ZDHHC14: variants seen among roughly 807,000 people sequenced by gnomAD.
ZDHHC14 encodes the protein zDHHC palmitoyltransferase 14, also known as palmitoyltransferase ZDHHC14.
Under a neutral mutation model 47.7 loss-of-function variants are expected in ZDHHC14, and 16 were observed. The observed-to-expected ratio is 0.34, with a 90% CI of 0.23 to 0.51. The LOEUF (loss-of-function observed/expected upper bound fraction) is 0.51. ZDHHC14 is among the 20% of genes least tolerant of loss of function. The pLI is 0.97. For synonymous variants in ZDHHC14, 293 were observed against 278.9 expected, an observed-to-expected ratio of 1.05 and a Z score of -0.50; for missense variants, 515 against 662.5, an observed-to-expected ratio of 0.78 and a Z score of 2.44.
At chr6:157,459,422 A>C (rs773177185) in intron 1 of ZDHHC14, among the ~76,000 whole-genome samples, 1 of 152,166 alleles carries the variant, frequency 6.6e-6, no homozygotes, top group Non-Finnish European at 1.5e-5. Flanking sequence ...GGTGGCTGGA[A>C]GTTTGGAGAC....
chr6:157,434,847 C>A (rs9346765), intron 1 of ZDHHC14, among the ~76,000 whole-genome samples: 36,599 of 151,992 alleles, frequency 0.24, 4,688 homozygotes, highest in African/African-American at 0.32. Context: ...CGGAGAGAAT[C>A]CTGGCGTGAC....
intron 1 of ZDHHC14, among the ~76,000 whole-genome samples, chr6:157,433,471 G>A (rs1267650247): frequency 6.6e-6 from 1 of 152,222 alleles, no homozygotes; most frequent in African/African-American, 2.4e-5. Context: ...TAAAACCAGA[G>A]GCTTAGGGCT....
At chr6:157,579,296 C>T (rs1783431522) in intron 2 of ZDHHC14, among the ~76,000 whole-genome samples, 1 of 138,668 alleles carries the variant, frequency 7.2e-6, no homozygotes. Context: ...CTCCCGGGTT[C>T]ATGCCATTCT....
chr6:157,614,692 G>C (rs1399326578), intron 3 of ZDHHC14, among the ~76,000 whole-genome samples: 1 of 152,064 alleles, frequency 6.6e-6, no homozygotes. Flanking sequence ...GGGGTCACCA[G>C]TGTGTGACCT....
intron 8 of ZDHHC14, among the ~76,000 whole-genome samples, chr6:157,657,399 G>A (rs1214899864): frequency 6.6e-6 from 1 of 152,190 alleles, no homozygotes; most frequent in African/African-American, 2.4e-5. Flanking sequence ...GCTTCCAGGG[G>A]AAGGCTTGAA....
At chr6:157,555,032 G>C (rs1782400892) in intron 2 of ZDHHC14, among the ~76,000 whole-genome samples, 1 of 152,164 alleles carries the variant, frequency 6.6e-6, no homozygotes, top group African/African-American at 2.4e-5. Flanking sequence ...ATGTTTTTAG[G>C]AGAGACCTTT....
intron 8 of ZDHHC14, among the ~76,000 whole-genome samples, chr6:157,662,337 A>G (rs528333757): frequency 6.6e-6 from 1 of 152,276 alleles, no homozygotes; most frequent in East Asian, 1.9e-4. Flanking sequence ...GCGCGCCATC[A>G]TGCCTGGCTA....
chr6:157,568,945 T>G (rs997045060), intron 2 of ZDHHC14, among the ~76,000 whole-genome samples: 10 of 152,164 alleles, frequency 6.6e-5, no homozygotes, highest in Non-Finnish European at 1.2e-4. Context: ...ACTGGACTAT[T>G]TGACTTTTTT....
At chr6:157,434,190 T>A (rs984768819) in intron 1 of ZDHHC14, among the ~76,000 whole-genome samples, 44 of 146,440 alleles carry the variant, frequency 3.0e-4, no homozygotes, top group Admixed American at 1.4e-3. Context: ...GCTGATGACT[T>A]TTTTTAGAGA....
intron 3 of ZDHHC14, among the ~76,000 whole-genome samples, chr6:157,596,481 A>G (rs187795204): frequency 2.6e-5 from 4 of 152,260 alleles, no homozygotes; most frequent in Admixed American, 2.0e-4. Context: ...TCAGAAGAGC[A>G]GTTTTCTTTG....
intron 8 of ZDHHC14, among the ~76,000 whole-genome samples, chr6:157,671,273 C>T (rs542009844): frequency 6.6e-6 from 1 of 152,332 alleles, no homozygotes; most frequent in Admixed American, 6.5e-5. Flanking sequence ...CTAGATCCAT[C>T]CCTTACTTTC....
rs1281432152 is a variant in ZDHHC14, at chr6:157,645,744, G to A, written c.760G>A (p.Glu254Lys). The change falls in exon 6 of 9, where the codon GAG becomes AAG. Residue 254 changes from glutamate (E) to lysine (K), a missense_variant. Glu to Lys is a moderately conservative substitution (Grantham distance 56). This residue lies in a region of ZDHHC14 where 229 missense variants were observed against 351.5 expected (regional missense o/e 0.65). Transcript: ENST00000359775. ...CTCCTTGACTCGCATCACCGTCCTG[G>A]AGGCTGTGGTGTGCTTCTTCTCTGT... is the stretch of plus-strand genomic sequence containing the variant. ...ALKDSPASVL[E>K]AVVCFFSVWS... is the part of the protein sequence containing the mutation. 6.2e-7 allele frequency: 1 copy of A among 1,613,798 alleles called. No homozygotes were observed. The highest frequency in any genetic ancestry group is 8.5e-7 in the Non-Finnish European group (1 of 1,179,984).
chr6:157,419,393 CA>C (rs1401473303), intron 1 of ZDHHC14, among the ~76,000 whole-genome samples: 4 of 152,126 alleles, frequency 2.6e-5, no homozygotes, highest in African/African-American at 9.7e-5. Flanking sequence ...CTGTATCAAA[CA>C]AAAAAGCCTT....
rs1456996782 is a variant in ZDHHC14, at chr6:157,476,226, A to G, written c.246-66359A>G. Among the ~76,000 whole-genome samples, 5 of 152,304 alleles carry G rather than the reference A, an allele frequency of 3.3e-5. No individual in the cohort carries two copies. In the East Asian group the frequency reaches 7.7e-4, roughly 23 times the overall value. ...AAAACGAAAAAAGACTCAAATCAGA[A>G]ATGAAAGAGGAGACTTACATCTGAT... On this transcript the variant is annotated intron_variant, in intron 1 of 8. Transcript: ENST00000359775.
At chr6:157,633,559 CT>C (rs1310551760) in intron 5 of ZDHHC14, among the ~76,000 whole-genome samples, 22 of 152,182 alleles carry the variant, frequency 1.4e-4, no homozygotes, top group Admixed American at 1.4e-3. Context: ...ATGGGACCCC[CT>C]GATCTGGCTC....
chr6:157,624,197 C>G (rs138147259), intron 3 of ZDHHC14, among the ~76,000 whole-genome samples: 1 of 152,222 alleles, frequency 6.6e-6, no homozygotes, highest in African/African-American at 2.4e-5. Context: ...ATCCTGGACA[C>G]TGAATGACAC....
intron 1 of ZDHHC14, among the ~76,000 whole-genome samples, chr6:157,413,341 A>G (rs1423981993): frequency 6.6e-6 from 1 of 152,176 alleles, no homozygotes; most frequent in East Asian, 1.9e-4. Context: ...GAAGATTTAC[A>G]TATGGAGAGA....
chr6:157,605,635 G>A (rs1784509897), intron 3 of ZDHHC14, among the ~76,000 whole-genome samples: 1 of 152,190 alleles, frequency 6.6e-6, no homozygotes, highest in Admixed American at 6.5e-5. Flanking sequence ...ACGGTTCATG[G>A]ACTTAGAGCA....
chr6:157,548,976 C>T (rs1349531839), intron 2 of ZDHHC14, among the ~76,000 whole-genome samples: 1 of 152,194 alleles, frequency 6.6e-6, no homozygotes, highest in Non-Finnish European at 1.5e-5. Flanking sequence ...CGGCATTTGC[C>T]CACCATCTGT....
Sources: gnomAD v4.1 joint callset for allele counts (sites outside exome capture counted in the v4.1 genomes callset) on GRCh38, gnomAD v4.1.1 for gene constraint, gnomAD v4.1.1 regional missense constraint, MANE v1.5 for transcripts, NCBI Gene and HGNC (gene_info 2026-07-23, HGNC 2026-07-21) for gene names.